Variants in RALGPS1 observed in about 807,000 individuals in gnomAD.
RALGPS1 encodes Ral GEF with PH domain and SH3 binding motif 1.
A neutral mutation model predicts 78.8 loss-of-function variants in RALGPS1; 19 were observed. That is an observed-to-expected ratio of 0.24 (90% CI 0.17 to 0.35). RALGPS1 has a LOEUF of 0.35. Among genes scored for constraint, RALGPS1 ranks in the 10% least tolerant of loss-of-function variants. The pLI is 1.00. For synonymous variants in RALGPS1, 228 were observed against 256.3 expected, an observed-to-expected ratio of 0.89 and a Z score of 1.06; for missense variants, 454 against 688.3, an observed-to-expected ratio of 0.66 and a Z score of 3.81.
rs542065514 is a variant in RALGPS1, at chr9:127,123,379, T to C, written c.611-42690T>C. Among the ~76,000 whole-genome samples, 6 of 152,336 alleles carry C rather than the reference T, an allele frequency of 3.9e-5. No individual in the cohort carries two copies. In the South Asian group the frequency reaches 1.2e-3, roughly 32 times the overall value. On this transcript the variant is annotated intron_variant, in intron 8 of 18. Coordinates refer to ENST00000259351, the MANE Select transcript of RALGPS1 (RefSeq NM_014636.3). ...TTCACCTCTCTGGGCATCCCTTCCATGCATCGGTAAATGAGCTAATTAATA... is the reference window on the plus strand; with the variant it reads ...TTCACCTCTCTGGGCATCCCTTCCACGCATCGGTAAATGAGCTAATTAATA...
rs748233372 is a variant in RALGPS1, at chr9:127,174,744, G to A, written c.872G>A (p.Ser291Asn). ...TCGCTCAGAATCGAACCAGGAAGCA[G>A]CTCTCCAAGACTAGTCTCTTCCAAG... is the stretch of plus-strand genomic sequence containing the variant. ...KLSLRIEPGS[S>N]SPRLVSSKED... Residue 291 changes from serine (S) to asparagine (N), a missense_variant, in exon 11 of 19, where the codon AGC (serine) becomes AAC (asparagine). Transcript: ENST00000259351. The A allele has an allele frequency of 1.2e-6, 2 of 1,614,178 alleles. No homozygotes were observed. Among genetic ancestry groups the A allele is most frequent in the Admixed American group, 3.3e-5 (2 of 60,030 alleles).
chr9:127,216,770 C>T, intron 18 of RALGPS1: 1 of 776,584 alleles, frequency 1.3e-6, no homozygotes, highest in Non-Finnish European at 1.8e-6. Flanking sequence ...GCCGCCGCCC[C>T]AGCTTGCATT....
At chr9:127,200,612 G>A (rs1197375553) in intron 14 of RALGPS1, among the ~76,000 whole-genome samples, 3 of 152,214 alleles carry the variant, frequency 2.0e-5, no homozygotes, top group South Asian at 2.1e-4. Flanking sequence ...GGGGAGTGGC[G>A]ATATGCCAGC....
At chr9:126,971,069 C>G (rs1240228578) in intron 3 of RALGPS1, among the ~76,000 whole-genome samples, 1 of 152,012 alleles carries the variant, frequency 6.6e-6, no homozygotes, top group Non-Finnish European at 1.5e-5. Flanking sequence ...AACACATAAA[C>G]ATAACAGAAA....
At chr9:126,988,906 G>T (rs750197691) in intron 4 of RALGPS1, among the ~76,000 whole-genome samples, 1 of 152,134 alleles carries the variant, frequency 6.6e-6, no homozygotes, top group Non-Finnish European at 1.5e-5. Flanking sequence ...GTTAAGTCAA[G>T]CAGGGTGATC....
At chr9:127,203,516 TGGG>T (rs71493878) in intron 14 of RALGPS1, among the ~76,000 whole-genome samples, 7 of 149,886 alleles carry the variant, frequency 4.7e-5, no homozygotes, top group African/African-American at 1.2e-4. Context: ...GCGTAGGGGA[TGGG>T]GGGGTCCTTG....
intron 8 of RALGPS1, among the ~76,000 whole-genome samples, chr9:127,072,633 A>T (rs866071006): frequency 6.6e-6 from 1 of 152,194 alleles, no homozygotes; most frequent in South Asian, 2.1e-4. Flanking sequence ...TACATGTTTC[A>T]TGGTGCATGC....
At chr9:127,163,429 G>A (rs2059128274) in intron 8 of RALGPS1, among the ~76,000 whole-genome samples, 1 of 152,178 alleles carries the variant, frequency 6.6e-6, no homozygotes, top group Admixed American at 6.5e-5. Flanking sequence ...CTCTACAAGG[G>A]AAATTATTTC....
At chr9:127,153,752 C>T (rs748472294) in intron 8 of RALGPS1, among the ~76,000 whole-genome samples, 40 of 152,152 alleles carry the variant, frequency 2.6e-4, no homozygotes, top group Admixed American at 7.2e-4. Flanking sequence ...CATCCTCTGA[C>T]GATGTAGCCA....
chr9:127,187,200 A>G (rs773195688), intron 11 of RALGPS1, among the ~76,000 whole-genome samples: 2 of 152,234 alleles, frequency 1.3e-5, no homozygotes, highest in Non-Finnish European at 2.9e-5. Flanking sequence ...ACAGTGCATA[A>G]TAGATGCTAG....
At chr9:126,996,731 A>G (rs1179122476) in intron 4 of RALGPS1, among the ~76,000 whole-genome samples, 4 of 152,240 alleles carry the variant, frequency 2.6e-5, no homozygotes, top group Admixed American at 6.5e-5. Context: ...CACAACCAAA[A>G]AAGAGAATTT....
At chr9:127,033,731 G>T (rs978553209) in intron 4 of RALGPS1, among the ~76,000 whole-genome samples, 3 of 152,184 alleles carry the variant, frequency 2.0e-5, no homozygotes, top group African/African-American at 4.8e-5. Flanking sequence ...CCATTAGATT[G>T]CTCCTATTGT....
chr9:127,069,627 TGA>T, intron 8 of RALGPS1: 1 of 349,042 alleles, frequency 2.9e-6, no homozygotes, highest in African/African-American at 2.1e-5. Context: ...TGGGTCACAA[TGA>T]GAGTGATAAG....
At chr9:126,978,905 C>T (rs1487081076) in intron 4 of RALGPS1, among the ~76,000 whole-genome samples, 7 of 152,142 alleles carry the variant, frequency 4.6e-5, no homozygotes, top group Non-Finnish European at 1.5e-5. Flanking sequence ...GGTCCAGTCA[C>T]CTAAGGCCAA....
At chr9:127,161,289 A>T (rs914281836) in intron 8 of RALGPS1, among the ~76,000 whole-genome samples, 3 of 152,232 alleles carry the variant, frequency 2.0e-5, no homozygotes, top group African/African-American at 7.2e-5. Flanking sequence ...GGCCAGCCGT[A>T]AGGTCAGCTC....
intron 2 of RALGPS1, among the ~76,000 whole-genome samples, chr9:126,965,326 A>C (rs1413187425): frequency 6.6e-6 from 1 of 152,214 alleles, no homozygotes; most frequent in African/African-American, 2.4e-5. Context: ...AATTTCCTGC[A>C]GTGACTTCAA....
chr9:127,153,375 C>CTTTT (rs60308901), intron 8 of RALGPS1, among the ~76,000 whole-genome samples: 22 of 102,114 alleles, frequency 2.2e-4, no homozygotes, highest in African/African-American at 7.9e-4. Flanking sequence ...TAGAGGATTA[C>CTTTT]TTTTTTTTTT....
At chr9:127,154,405 C>G (rs1478107052) in intron 8 of RALGPS1, among the ~76,000 whole-genome samples, 1 of 152,232 alleles carries the variant, frequency 6.6e-6, no homozygotes, top group Non-Finnish European at 1.5e-5. Context: ...ATCCTCTCAT[C>G]TCCGTTGAGA....
intron 13 of RALGPS1, 64 bp downstream of exon 13, chr9:127,196,695 C>CTGTCTCTG: frequency 6.7e-7 from 1 of 1,491,612 alleles, no homozygotes; most frequent in South Asian, 1.3e-5. Context: ...TGCTCCGTGT[C>CTGTCTCTG]TGTCTCTGTG....
Sources: gnomAD v4.1 joint callset for allele counts (sites outside exome capture counted in the v4.1 genomes callset) on GRCh38, gnomAD v4.1.1 for gene constraint, MANE v1.5 for transcripts, NCBI Gene and HGNC (gene_info 2026-07-23, HGNC 2026-07-21) for gene names.